Variants in GRM8 observed in about 807,000 individuals in gnomAD.
GRM8 encodes metabotropic glutamate receptor 8.
A neutral mutation model predicts 87.2 loss-of-function variants in GRM8; 47 were observed. The observed-to-expected ratio is 0.54, with a 90% confidence interval of 0.43 to 0.69. The LOEUF is 0.69. GRM8 is among the 30% of genes least tolerant of loss of function. The pLI is 0.00. For synonymous variants in GRM8, 396 were observed against 404.5 expected, an observed-to-expected ratio of 0.98 and a Z score of 0.25; for missense variants, 1,019 against 1,139.2, an observed-to-expected ratio of 0.89 and a Z score of 1.52.
intron 3 of GRM8, among the ~76,000 whole-genome samples, chr7:126,920,783 C>G (rs1398019313): frequency 3.9e-5 from 6 of 152,092 alleles, no homozygotes; most frequent in Non-Finnish European, 7.4e-5. Flanking sequence ...GGTCCCCTCT[C>G]CCTGTTTAGC....
At chr7:127,054,496 A>G (rs530365955) in intron 3 of GRM8, among the ~76,000 whole-genome samples, 3 of 152,346 alleles carry the variant, frequency 2.0e-5, no homozygotes, top group South Asian at 2.1e-4. Context: ...AATGCAGTCA[A>G]TAATATGCAT....
chr7:126,872,475 C>T (rs1322701032), intron 6 of GRM8, among the ~76,000 whole-genome samples: 1 of 152,008 alleles, frequency 6.6e-6, no homozygotes, highest in African/African-American at 2.4e-5. Flanking sequence ...TTTAGGGTAC[C>T]CTAAATAGCA....
chr7:126,483,493 A>C, intron 9 of GRM8, among the ~76,000 whole-genome samples: 1 of 96,876 alleles, frequency 1.0e-5, no homozygotes. Flanking sequence ...TCCTTCCTTC[A>C]TCATGATGCA....
intron 9 of GRM8, among the ~76,000 whole-genome samples, chr7:126,524,550 G>T (rs183929244): frequency 3.3e-5 from 5 of 151,926 alleles, no homozygotes; most frequent in African/African-American, 1.2e-4. Flanking sequence ...TCTTTCTTCA[G>T]TTGTGAAATC....
rs1460487485 is a variant in GRM8 at position 126,863,663 on chromosome 7, C to T, written c.1156+38879G>A. Among the ~76,000 whole-genome samples, 5 of 152,138 alleles carry T rather than the reference C, an allele frequency of 3.3e-5. No homozygotes were observed. The East Asian group carries it at 9.6e-4, about 29-fold the overall frequency. On this transcript the variant is annotated intron_variant, in intron 6 of 10. Transcript: ENST00000339582. ...TCAGAGCATGCAGTCATACACGCAT[C>T]TGTCATATCAGCTTCAGTGAGTTAT...
intron 3 of GRM8, among the ~76,000 whole-genome samples, chr7:127,045,465 A>G (rs1231049012): frequency 6.6e-6 from 1 of 151,974 alleles, no homozygotes; most frequent in East Asian, 1.9e-4. Context: ...TTTTTTCCTT[A>G]CCTGATATCA....
intron 6 of GRM8, among the ~76,000 whole-genome samples, chr7:126,774,200 T>A (rs1819166891): frequency 6.6e-6 from 1 of 152,142 alleles, no homozygotes; most frequent in Admixed American, 6.6e-5. Flanking sequence ...TTAGACAATG[T>A]ATTTTTCTGT....
At chr7:126,867,463 C>A (rs1798700181) in intron 6 of GRM8, among the ~76,000 whole-genome samples, 1 of 152,116 alleles carries the variant, frequency 6.6e-6, no homozygotes, top group Non-Finnish European at 1.5e-5. Context: ...TTATAAATTT[C>A]TGGAAATTGA....
At chr7:126,733,013 T>C (rs1045762108) in intron 7 of GRM8, among the ~76,000 whole-genome samples, 7 of 152,118 alleles carry the variant, frequency 4.6e-5, no homozygotes, top group Non-Finnish European at 2.9e-5. Context: ...CTGCAATTTT[T>C]TTTTTAAGCT....
chr7:126,806,875 C>T (rs995646178), intron 6 of GRM8, among the ~76,000 whole-genome samples: 8 of 152,326 alleles, frequency 5.3e-5, no homozygotes, highest in South Asian at 2.1e-4. Flanking sequence ...CCCACCCGCG[C>T]GTCTCCCTCC....
intron 6 of GRM8, among the ~76,000 whole-genome samples, chr7:126,838,565 G>C (rs1169897149): frequency 1.3e-5 from 2 of 152,168 alleles, no homozygotes; most frequent in Non-Finnish European, 2.9e-5. Context: ...AGAGGTAAAG[G>C]TGAGGTGAAA....
chr7:126,845,050 T>A (rs1563243029), intron 6 of GRM8, among the ~76,000 whole-genome samples: 1 of 152,156 alleles, frequency 6.6e-6, no homozygotes, highest in Non-Finnish European at 1.5e-5. Context: ...CTACCTTACC[T>A]TGCCCCTCTT....
At chr7:126,892,754 C>T (rs1243439214) in intron 6 of GRM8, among the ~76,000 whole-genome samples, 4 of 152,116 alleles carry the variant, frequency 2.6e-5, no homozygotes, top group Non-Finnish European at 5.9e-5. Context: ...GTCCCACCAA[C>T]AGTGTAAAAG....
intron 3 of GRM8, among the ~76,000 whole-genome samples, chr7:127,098,792 C>T (rs559922990): frequency 2.6e-5 from 4 of 152,136 alleles, no homozygotes; most frequent in Non-Finnish European, 5.9e-5. Context: ...GAAAGACACA[C>T]ATAGAATATT....
chr7:126,568,323 T>TC (rs1206732959), intron 8 of GRM8, among the ~76,000 whole-genome samples: 1 of 152,088 alleles, frequency 6.6e-6, no homozygotes, highest in Non-Finnish European at 1.5e-5. Flanking sequence ...AAATATATAT[T>TC]CCAAAACTAA....
chr7:126,596,302 A>G (rs1797194961), intron 8 of GRM8, among the ~76,000 whole-genome samples: 1 of 152,184 alleles, frequency 6.6e-6, no homozygotes, highest in Non-Finnish European at 1.5e-5. Context: ...CATTTTCTCC[A>G]TAACCTCACC....
At chr7:126,636,885 C>A (rs1326414363) in intron 7 of GRM8, among the ~76,000 whole-genome samples, 1 of 151,900 alleles carries the variant, frequency 6.6e-6, no homozygotes, top group African/African-American at 2.4e-5. Flanking sequence ...TATTTAGGTT[C>A]TTTTTTCATT....
At position 126,976,719 on chromosome 7, in the gene GRM8, C is replaced by T. The variant is rs1454575928; in HGVS notation, c.728-72036G>A. Among the ~76,000 whole-genome samples, 6 of 152,046 alleles carry T rather than the reference C, an allele frequency of 3.9e-5. No individual in the cohort carries two copies. The East Asian group carries it at 7.7e-4, about 19-fold the overall frequency. The stretch of plus-strand genomic sequence containing the variant: ...AATGTCTACATAATTTAAATGACTG[C>T]ACATGTGGAATAAAATTTAATATAA... On this transcript the variant is annotated intron_variant, in intron 3 of 10. Transcript: ENST00000339582.
At chr7:126,686,036 GAGATGACC>G (rs1184124349) in intron 7 of GRM8, among the ~76,000 whole-genome samples, 2 of 151,740 alleles carry the variant, frequency 1.3e-5, no homozygotes, top group Non-Finnish European at 2.9e-5. Flanking sequence ...AGATGATGGG[GAGATGACC>G]AGATGACAAG....
Sources: gnomAD v4.1 joint callset for allele counts (sites outside exome capture counted in the v4.1 genomes callset) on GRCh38, gnomAD v4.1.1 for gene constraint, MANE v1.5 for transcripts, NCBI Gene and HGNC (gene_info 2026-07-23, HGNC 2026-07-21) for gene names.